Variants in CLDN14 observed in about 807,000 individuals in gnomAD.
The protein encoded by CLDN14 is claudin-14.
Under a neutral mutation model 2.1 loss-of-function variants are expected in CLDN14, and 2 were observed. That is an observed-to-expected ratio of 0.96 (90% CI 0.39 to 3.01). CLDN14 has a LOEUF of 3.01. Among genes scored for constraint, CLDN14 ranks in the 30% most tolerant of loss-of-function variants. The pLI, the probability that CLDN14 is intolerant of heterozygous loss-of-function variation, is 0.09. For missense variants in CLDN14, 298 were observed against 328.0 expected (o/e 0.91, Z 0.71); for synonymous variants, 136 against 154.4 (o/e 0.88, Z 0.88).
chr21:36,575,247 C>T (rs564244521), intron 1 of CLDN14, among the ~76,000 whole-genome samples: 10 of 152,280 alleles, frequency 6.6e-5, no homozygotes, highest in Admixed American at 3.9e-4. Context: ...CTCTAACTTA[C>T]CCTGAGGCTT....
At chr21:36,571,517 C>T (rs1166186909) in intron 1 of CLDN14, among the ~76,000 whole-genome samples, 1 of 152,158 alleles carries the variant, frequency 6.6e-6, no homozygotes, top group African/African-American at 2.4e-5. Context: ...ACGTGCCCTT[C>T]AATGCTTAGA....
In CLDN14 at chr21:36,521,291, G is replaced by A. The variant is rs1297236629; in HGVS notation, c.-219-10791C>T. On this transcript the variant is annotated intron_variant, in intron 1 of 2. Coordinates refer to the CLDN14 transcript ENST00000342108. ...CCCAAGGGAAGCATGAGGAAAGCACGTGACCCCTTCTGGTAACTTGGAGAG... is the reference window on the plus strand; with the variant it reads ...CCCAAGGGAAGCATGAGGAAAGCACATGACCCCTTCTGGTAACTTGGAGAG... Among the ~76,000 whole-genome samples, 2 of 152,132 alleles carry A rather than the reference G, an allele frequency of 1.3e-5. 1 individual carries two copies.
At chr21:36,549,050 A>G (rs934671367) in intron 1 of CLDN14, among the ~76,000 whole-genome samples, 1 of 152,078 alleles carries the variant, frequency 6.6e-6, no homozygotes, top group Non-Finnish European at 1.5e-5. Flanking sequence ...TACTCAAACC[A>G]TGCACAATGG....
At chr21:36,489,983 A>G (rs1465425068) in intron 2 of CLDN14, among the ~76,000 whole-genome samples, 1 of 152,188 alleles carries the variant, frequency 6.6e-6, no homozygotes, top group South Asian at 2.1e-4. Flanking sequence ...CTCAAACACA[A>G]TTTTCTGCAA....
chr21:36,488,403 C>G (rs552897539), intron 2 of CLDN14, among the ~76,000 whole-genome samples: 1 of 152,086 alleles, frequency 6.6e-6, no homozygotes, highest in Non-Finnish European at 1.5e-5. Context: ...TCCCGAGTAG[C>G]TGGGATTACA....
At chr21:36,561,488 A>T (rs1053228933) in intron 1 of CLDN14, among the ~76,000 whole-genome samples, 1 of 151,958 alleles carries the variant, frequency 6.6e-6, no homozygotes, top group African/African-American at 2.4e-5. Flanking sequence ...GGTTCCCGCC[A>T]TAGTGGGCCA....
At chr21:36,533,890 T>C (rs979493511) in intron 1 of CLDN14, among the ~76,000 whole-genome samples, 1 of 152,142 alleles carries the variant, frequency 6.6e-6, no homozygotes, top group Admixed American at 6.5e-5. Flanking sequence ...AACTAATGTG[T>C]ACTAGGCTTA....
chr21:36,510,752 T>A (rs2087179040), intron 1 of CLDN14, among the ~76,000 whole-genome samples: 1 of 152,234 alleles, frequency 6.6e-6, no homozygotes, highest in African/African-American at 2.4e-5. Flanking sequence ...GTTTCATCTT[T>A]CCCTTTTGAA....
chr21:36,481,361 G>A (rs570531455), upstream of CLDN14, among the ~76,000 whole-genome samples: 6 of 152,160 alleles, frequency 3.9e-5, no homozygotes, highest in South Asian at 1.0e-3. Context: ...GAATATATAG[G>A]GGTACCAGCA....
At chr21:36,547,258 A>T (rs1472653156) in intron 1 of CLDN14, among the ~76,000 whole-genome samples, 4 of 152,240 alleles carry the variant, frequency 2.6e-5, no homozygotes, top group Non-Finnish European at 4.4e-5. Flanking sequence ...GTCTCTGGGG[A>T]GAACTTGGTG....
chr21:36,534,390 G>T (rs370447502), intron 1 of CLDN14, among the ~76,000 whole-genome samples: 1 of 152,206 alleles, frequency 6.6e-6, no homozygotes, highest in Non-Finnish European at 1.5e-5. Context: ...AGCCCAGGAC[G>T]ATCCCCCCGT....
At chr21:36,483,690 G>T (rs956113615), upstream of CLDN14, among the ~76,000 whole-genome samples, 2 of 152,218 alleles carry the variant, frequency 1.3e-5, no homozygotes, top group Non-Finnish European at 2.9e-5. Context: ...TGAGTTGATG[G>T]ATGCAAAGTG....
At chr21:36,554,609 A>G (rs1321672116) in intron 1 of CLDN14, among the ~76,000 whole-genome samples, 1 of 152,194 alleles carries the variant, frequency 6.6e-6, no homozygotes, top group African/African-American at 2.4e-5. Context: ...CAGAGAGGTT[A>G]AGAAGCTTGC....
intron 1 of CLDN14, among the ~76,000 whole-genome samples, chr21:36,524,038 C>T (rs2087301742): frequency 6.6e-6 from 1 of 152,002 alleles, no homozygotes; most frequent in Non-Finnish European, 1.5e-5. Context: ...CTGCTCTCTC[C>T]AAGCACAAGG....
At chr21:36,525,761 T>C (rs2087322533) in intron 1 of CLDN14, among the ~76,000 whole-genome samples, 1 of 152,084 alleles carries the variant, frequency 6.6e-6, no homozygotes, top group Non-Finnish European at 1.5e-5. Context: ...ACACTCTGAC[T>C]CCTCCAGCGA....
chr21:36,559,222 A>T (rs1345694976), intron 1 of CLDN14, among the ~76,000 whole-genome samples: 1 of 150,684 alleles, frequency 6.6e-6, no homozygotes, highest in African/African-American at 2.5e-5. Context: ...TTAGTTTGAG[A>T]CTAAGTTTCG....
chr21:36,538,171 A>T (rs1161236331), intron 1 of CLDN14, among the ~76,000 whole-genome samples: 1 of 152,222 alleles, frequency 6.6e-6, no homozygotes, highest in African/African-American at 2.4e-5. Flanking sequence ...AAAGTCCAAC[A>T]CTTATAGATC....
chr21:36,521,383 C>T (rs2087269092), intron 1 of CLDN14, among the ~76,000 whole-genome samples: 1 of 152,170 alleles, frequency 6.6e-6, no homozygotes, highest in South Asian at 2.1e-4. Context: ...CAGCTTCCCT[C>T]CTCTCCTGGG....
intron 1 of CLDN14, among the ~76,000 whole-genome samples, chr21:36,516,255 A>T (rs1245829593): frequency 6.6e-6 from 1 of 152,226 alleles, no homozygotes; most frequent in Non-Finnish European, 1.5e-5. Flanking sequence ...AGTTGCGGGA[A>T]TACAGCTATA....
Sources: gnomAD v4.1 joint callset for allele counts (sites outside exome capture counted in the v4.1 genomes callset) on GRCh38, gnomAD v4.1.1 for gene constraint, MANE v1.5 for transcripts, NCBI Gene and HGNC (gene_info 2026-07-23, HGNC 2026-07-21) for gene names.